The following TM9SF3 variants were observed in gnomAD, a reference collection of about 807,000 sequenced individuals.
The protein encoded by TM9SF3 is SM-11044-binding protein.
TM9SF3 carries 14 observed loss-of-function variants against 78.6 expected under a neutral mutation model. That is an observed-to-expected ratio of 0.18 (90% CI 0.12 to 0.28). The LOEUF (loss-of-function observed/expected upper bound fraction) is 0.28, where lower values mean the gene tolerates loss of function less well. TM9SF3 is among the 10% of genes least tolerant of loss of function. The pLI, the probability that TM9SF3 is intolerant of heterozygous loss-of-function variation, is 1.00. For synonymous variants in TM9SF3, 231 were observed against 241.7 expected, an observed-to-expected ratio of 0.96 and a Z score of 0.41; for missense variants, 496 against 721.9, an observed-to-expected ratio of 0.69 and a Z score of 3.59.
At chr10:96,526,325 C>T (rs2134128647) in intron 14 of TM9SF3, among the ~76,000 whole-genome samples, 1 of 152,116 alleles carries the variant, frequency 6.6e-6, no homozygotes, top group African/African-American at 2.4e-5. Flanking sequence ...GACACTATTC[C>T]TCACAACCAC....
chr10:96,564,229 C>T (rs925402899), intron 3 of TM9SF3, among the ~76,000 whole-genome samples: 2 of 151,874 alleles, frequency 1.3e-5, no homozygotes, highest in African/African-American at 4.8e-5. Context: ...GAGTCTGAGG[C>T]TACAATGAGC....
At chr10:96,549,200 C>T (rs9664742) in intron 7 of TM9SF3, among the ~76,000 whole-genome samples, 6 of 152,274 alleles carry the variant, frequency 3.9e-5, no homozygotes, top group Admixed American at 3.9e-4. Flanking sequence ...CCTCAAAATA[C>T]TTTTCCTCTG....
chr10:96,528,479 T>TA (rs1220204407), intron 11 of TM9SF3, among the ~76,000 whole-genome samples: 1 of 152,044 alleles, frequency 6.6e-6, no homozygotes, highest in Non-Finnish European at 1.5e-5. Flanking sequence ...TGAAAATAGC[T>TA]AAAAAATCCG....
intron 2 of TM9SF3, among the ~76,000 whole-genome samples, chr10:96,568,986 G>A (rs1471051449): frequency 1.3e-5 from 2 of 152,006 alleles, no homozygotes; most frequent in Non-Finnish European, 2.9e-5. Context: ...CCAGGAGTTC[G>A]AGACCAGCCT....
rs531152568 is a variant in TM9SF3, at chr10:96,522,142, A to C, written c.*121T>G. 1 of 772,096 alleles carries C rather than the reference A, an allele frequency of 1.3e-6. No individual in the cohort carries two copies. Among genetic ancestry groups the C allele is most frequent in the South Asian group, 1.7e-5 (1 of 58,590 alleles). 47.8% of individuals were successfully genotyped at this position (772,096 alleles called of 1,614,324 possible). A position where few individuals can be genotyped will look rare whatever the true frequency, so the allele number is the denominator to read the frequency against. On this transcript the variant is annotated 3_prime_UTR_variant, in exon 15 of 15. Coordinates refer to ENST00000371142, the MANE Select transcript of TM9SF3 (RefSeq NM_020123.4). Reference sequence around the variant, plus strand: ...ACTTTAAGCCACCGACGAAAGAGAGACCCACAAAGTACCCAGTGTGTTAAA... The same window carrying C: ...ACTTTAAGCCACCGACGAAAGAGAGCCCCACAAAGTACCCAGTGTGTTAAA...
At chr10:96,538,671 T>A (rs1847987033) in intron 9 of TM9SF3, among the ~76,000 whole-genome samples, 1 of 152,136 alleles carries the variant, frequency 6.6e-6, no homozygotes, top group Non-Finnish European at 1.5e-5. Flanking sequence ...ATATAAGAAC[T>A]CTTATCACTC....
chr10:96,532,116 G>A (rs7918075), intron 10 of TM9SF3, among the ~76,000 whole-genome samples: 4,788 of 151,788 alleles, frequency 0.032, 252 homozygotes, highest in African/African-American at 0.11. Context: ...AGGCTGAGGC[G>A]GAAGAATGGC....
Position 96,551,223 on chromosome 10 carries a change from ACAGTT to A in TM9SF3, c.959+17_959+21del, listed in dbSNP as rs779316245. 22 of 1,575,288 alleles carry A rather than the reference ACAGTT, an allele frequency of 1.4e-5. No individual in the cohort carries two copies. In the African/African-American group the frequency reaches 3.0e-4, roughly 21 times the overall value. ...TATTTAAGAACAATAAAGACATAAT[ACAGTT>A]AAGTGTAGGCACTTACTCAGTATAT... On this transcript the variant is annotated intron_variant, in intron 7 of 14. Transcript: ENST00000371142.
At chr10:96,526,663 T>C (rs1294515952) in intron 14 of TM9SF3, among the ~76,000 whole-genome samples, 1 of 152,124 alleles carries the variant, frequency 6.6e-6, no homozygotes, top group Non-Finnish European at 1.5e-5. Context: ...GTGGAAAGCA[T>C]ACATATGGTA....
At chr10:96,582,048 C>A (rs1305296954) in intron 1 of TM9SF3, among the ~76,000 whole-genome samples, 1 of 151,910 alleles carries the variant, frequency 6.6e-6, no homozygotes, top group African/African-American at 2.4e-5. Flanking sequence ...TCAAGTCATT[C>A]AACAAGCACT....
intron 14 of TM9SF3, among the ~76,000 whole-genome samples, chr10:96,523,455 G>A (rs1252634330): frequency 2.0e-5 from 3 of 151,772 alleles, no homozygotes; most frequent in Non-Finnish European, 4.4e-5. Flanking sequence ...TGAAAGGAAG[G>A]TTATCCTTAT....
Position 96,522,249 on chromosome 10 carries a change from G to A in TM9SF3, c.*14C>T, listed in dbSNP as rs1332830825. The A allele has an allele frequency of 1.0e-5, 16 of 1,593,272 alleles. No homozygotes were observed. The highest frequency in any genetic ancestry group is 1.7e-4 in the Middle Eastern group (1 of 6,036). On this transcript the variant is annotated 3_prime_UTR_variant, in exon 15 of 15. Transcript: ENST00000371142. ...AAAAGAAATTGATCCAAAGTTCCAG[G>A]TTTTCTTGGGTCTCTAGTCAATTTT...
At chr10:96,567,502 T>C (rs563755045) in intron 2 of TM9SF3, among the ~76,000 whole-genome samples, 9 of 152,304 alleles carry the variant, frequency 5.9e-5, no homozygotes, top group African/African-American at 2.2e-4. Context: ...ACACACCCTG[T>C]GCTCTCTTGG....
chr10:96,547,135 T>C (rs1848110870), intron 8 of TM9SF3, among the ~76,000 whole-genome samples: 1 of 152,216 alleles, frequency 6.6e-6, no homozygotes, highest in Non-Finnish European at 1.5e-5. Context: ...ACTGTGACAG[T>C]GACAAAGAAT....
chr10:96,540,981 T>C (rs1464286621), intron 9 of TM9SF3, among the ~76,000 whole-genome samples: 1 of 151,958 alleles, frequency 6.6e-6, no homozygotes, highest in Non-Finnish European at 1.5e-5. Context: ...TTTCACCACA[T>C]TGGCCATGGT....
intron 7 of TM9SF3, among the ~76,000 whole-genome samples, chr10:96,549,647 CA>C (rs915560712): frequency 5.9e-5 from 9 of 152,074 alleles, no homozygotes; most frequent in Admixed American, 4.6e-4. Context: ...TTAGTACTTA[CA>C]TAAGTAATGA....
At chr10:96,572,197 G>A (rs1432446049) in intron 2 of TM9SF3, among the ~76,000 whole-genome samples, 4 of 152,018 alleles carry the variant, frequency 2.6e-5, no homozygotes, top group South Asian at 2.1e-4. Context: ...ACCACTTTTC[G>A]AATATAAACT....
rs565162752 is a variant in TM9SF3 at position 96,524,777 on chromosome 10, T to C, written c.1702+2436A>G. 3.4e-4 allele frequency among the ~76,000 whole-genome samples: 52 copies of C among 152,006 alleles called. No homozygotes were observed. The Middle Eastern group carries it at 0.02, about 60-fold the overall frequency. On this transcript the variant is annotated intron_variant, in intron 14 of 14. Coordinates refer to ENST00000371142, the MANE Select transcript of TM9SF3 (RefSeq NM_020123.4). Reference sequence around the variant, plus strand: ...TTTTGTTTTAATTACTGACAAGCATTTTAGCAACATAAATTGATGGATATA... The same window carrying C: ...TTTTGTTTTAATTACTGACAAGCATCTTAGCAACATAAATTGATGGATATA...
In TM9SF3 at chr10:96,528,667, G is replaced by A. The variant is rs147691537; in HGVS notation, c.1395-490C>T. 2.4e-3 allele frequency among the ~76,000 whole-genome samples: 362 copies of A among 152,202 alleles called. 2 individuals are homozygous for A. The highest frequency in any genetic ancestry group is 0.02 in the Admixed American group (313 of 15,272). ...TCTTCAGAGGACAGCAAGGGAAAAG[G>A]CTTTAAGATTTTTAATTAAGAAAAA... is the stretch of plus-strand genomic sequence containing the variant. On this transcript the variant is annotated intron_variant, in intron 11 of 14. Coordinates refer to ENST00000371142, the MANE Select transcript of TM9SF3 (RefSeq NM_020123.4).
Sources: allele counts gnomAD v4.1 joint callset (sites outside exome capture counted in the v4.1 genomes callset), GRCh38; gene constraint gnomAD v4.1.1; transcripts MANE v1.5; gene names NCBI Gene and HGNC (gene_info 2026-07-23, HGNC 2026-07-21).